Variants in RERE observed in about 807,000 individuals in gnomAD.
The protein encoded by RERE is arginine-glutamic acid dipeptide repeats.
Under a neutral mutation model 146.1 loss-of-function variants are expected in RERE, and 40 were observed. That is an observed-to-expected ratio of 0.27 (90% CI 0.21 to 0.36). The LOEUF (loss-of-function observed/expected upper bound fraction) is 0.36. Among genes scored for constraint, RERE ranks in the 10% least tolerant of loss-of-function variants. The pLI is 1.00. For missense variants in RERE, 1,933 were observed against 2,138.7 expected (o/e 0.90, Z 1.90); for synonymous variants, 1,003 against 866.0 (o/e 1.16, Z -2.78).
intron 1 of RERE, among the ~76,000 whole-genome samples, chr1:8,778,092 T>C (rs1390726578): frequency 6.6e-6 from 1 of 152,158 alleles, no homozygotes. Flanking sequence ...TCCAACCATT[T>C]CTTACAGTCA....
At chr1:8,648,380 C>T (rs965355203) in intron 2 of RERE, among the ~76,000 whole-genome samples, 3 of 152,100 alleles carry the variant, frequency 2.0e-5, no homozygotes, top group Admixed American at 6.6e-5. Flanking sequence ...TACAGGAGCA[C>T]ACCACCAAGC....
At chr1:8,703,288 C>G (rs939501710) in intron 1 of RERE, 10 of 150,130 alleles carry the variant, frequency 6.7e-5, no homozygotes, top group Non-Finnish European at 1.3e-4. Flanking sequence ...CCGCGCGGGG[C>G]CCCGCCCGCG....
intron 1 of RERE, among the ~76,000 whole-genome samples, chr1:8,688,222 G>A (rs1639132941): frequency 6.6e-6 from 1 of 152,172 alleles, no homozygotes; most frequent in South Asian, 2.1e-4. Context: ...AGGATCGCTT[G>A]AACCAACGAG....
At chr1:8,413,343 G>A (rs1319687703) in intron 12 of RERE, among the ~76,000 whole-genome samples, 1 of 152,142 alleles carries the variant, frequency 6.6e-6, no homozygotes, top group African/African-American at 2.4e-5. Context: ...TTTTAATTTT[G>A]TTTTTTGTTG....
intron 1 of RERE, among the ~76,000 whole-genome samples, chr1:8,800,091 G>A (rs1641557686): frequency 1.3e-5 from 2 of 152,058 alleles, no homozygotes; most frequent in African/African-American, 2.4e-5. Context: ...TGAGATTACA[G>A]GCGTGAGCCA....
At chr1:8,648,974 A>T (rs1197211010) in intron 2 of RERE, among the ~76,000 whole-genome samples, 1 of 151,992 alleles carries the variant, frequency 6.6e-6, no homozygotes, top group Non-Finnish European at 1.5e-5. Context: ...GCCAAAATAA[A>T]AAAAAAAATC....
At chr1:8,497,927 C>T (rs547959734) in intron 8 of RERE, among the ~76,000 whole-genome samples, 2 of 152,328 alleles carry the variant, frequency 1.3e-5, no homozygotes, top group African/African-American at 4.8e-5. Flanking sequence ...AAGACATATG[C>T]AAATGATACC....
rs189746261 is a variant in RERE at position 8,431,193 on chromosome 1, G to A, written c.1204-8386C>T. On this transcript the variant is annotated intron_variant, in intron 11 of 22. Coordinates refer to ENST00000400908, the MANE Select transcript of RERE (RefSeq NM_001042681.2). Reference sequence around the variant, plus strand: ...CTGGGCCACAAAGCAGGAAGTGAGCGGCAGGCAAGTGAGCAAAGCTTCATC... The same window carrying A: ...CTGGGCCACAAAGCAGGAAGTGAGCAGCAGGCAAGTGAGCAAAGCTTCATC... Among the ~76,000 whole-genome samples the A allele has an allele frequency of 8.5e-5, 13 of 152,300 alleles. No homozygotes were observed. In the East Asian group the frequency reaches 9.6e-4, roughly 11 times the overall value.
intron 10 of RERE, among the ~76,000 whole-genome samples, chr1:8,481,630 C>T (rs1296484327): frequency 1.3e-5 from 2 of 152,194 alleles, no homozygotes; most frequent in East Asian, 3.9e-4. Context: ...ATACTCAAAC[C>T]ACAAATACAT....
chr1:8,548,216 T>TC (rs1252895106), intron 6 of RERE, among the ~76,000 whole-genome samples: 1 of 152,086 alleles, frequency 6.6e-6, no homozygotes, highest in Non-Finnish European at 1.5e-5. Context: ...AGTAAAATGA[T>TC]CAGTAACCTA....
chr1:8,730,255 G>A (rs1640053156), intron 1 of RERE, among the ~76,000 whole-genome samples: 1 of 152,216 alleles, frequency 6.6e-6, no homozygotes, highest in Non-Finnish European at 1.5e-5. Context: ...AGATGATCTA[G>A]TCAAGAGACC....
At chr1:8,691,423 A>C (rs951001997) in intron 1 of RERE, among the ~76,000 whole-genome samples, 1 of 152,200 alleles carries the variant, frequency 6.6e-6, no homozygotes, top group Non-Finnish European at 1.5e-5. Flanking sequence ...ACACTGTTCC[A>C]CAAGTGTTCG....
intron 6 of RERE, among the ~76,000 whole-genome samples, chr1:8,548,091 G>A (rs1354863647): frequency 6.6e-6 from 1 of 152,144 alleles, no homozygotes; most frequent in African/African-American, 2.4e-5. Context: ...AAAGAGCAAA[G>A]TACAAAAGAC....
intron 4 of RERE, among the ~76,000 whole-genome samples, chr1:8,574,910 A>G (rs1384034520): frequency 1.3e-5 from 2 of 152,256 alleles, no homozygotes; most frequent in African/African-American, 2.4e-5. Flanking sequence ...TCATGAATAT[A>G]TATTAGACTT....
chr1:8,755,182 G>A (rs969070807), intron 1 of RERE, among the ~76,000 whole-genome samples: 1 of 152,224 alleles, frequency 6.6e-6, no homozygotes, highest in Non-Finnish European at 1.5e-5. Flanking sequence ...ACTGTCTTCA[G>A]TGCTACCTTT....
intron 12 of RERE, among the ~76,000 whole-genome samples, chr1:8,406,442 A>C (rs1643439892): frequency 6.6e-6 from 1 of 152,122 alleles, no homozygotes; most frequent in African/African-American, 2.4e-5. Flanking sequence ...TTTAGGAATA[A>C]AGGGGCAACA....
intron 11 of RERE, 134 bp downstream of exon 11, chr1:8,465,791 T>C (rs1000066695): frequency 2.7e-6 from 2 of 737,058 alleles, no homozygotes; most frequent in African/African-American, 1.7e-5. Flanking sequence ...CCCATCCTCC[T>C]GCCTGGCGCT....
chr1:8,664,799 T>C (rs889039046), intron 1 of RERE, among the ~76,000 whole-genome samples: 1 of 152,180 alleles, frequency 6.6e-6, no homozygotes, highest in African/African-American at 2.4e-5. Flanking sequence ...TAGTATGGCT[T>C]TCCTGGACCA....
intron 7 of RERE, among the ~76,000 whole-genome samples, chr1:8,518,129 T>A (rs1645445244): frequency 6.6e-6 from 1 of 152,186 alleles, no homozygotes; most frequent in South Asian, 2.1e-4. Context: ...CTCTATGTGA[T>A]CACGGTGACT....
Sources: allele counts gnomAD v4.1 joint callset (sites outside exome capture counted in the v4.1 genomes callset), GRCh38; gene constraint gnomAD v4.1.1; transcripts MANE v1.5; gene names NCBI Gene and HGNC (gene_info 2026-07-23, HGNC 2026-07-21).